CAPN14: variants seen among roughly 807,000 people sequenced by gnomAD.
CAPN14 encodes calpain 14, also known as calpain-14.
In CAPN14, 94 loss-of-function variants were observed where a neutral mutation model predicts 101.3. The ratio of observed to expected loss-of-function variants is 0.93; its 90% confidence interval spans 0.79 to 1.10. The LOEUF is 1.10. Among genes scored for constraint, CAPN14 ranks in the 50% least tolerant of loss-of-function variants. The pLI is 0.00. For missense variants in CAPN14, 837 were observed against 828.4 expected (o/e 1.01, Z -0.13); for synonymous variants, 338 against 317.9 (o/e 1.06, Z -0.67).
At chr2:31,199,307 C>T (rs1423313128) in intron 7 of CAPN14, among the ~76,000 whole-genome samples, 163 bp downstream of exon 7, 1 of 152,082 alleles carries the variant, frequency 6.6e-6, no homozygotes, top group African/African-American at 2.4e-5. Context: ...AAAGCCTGGA[C>T]CCACCACTTC....
upstream of CAPN14, among the ~76,000 whole-genome samples, chr2:31,222,273 C>T (rs989263219): frequency 6.6e-6 from 1 of 152,130 alleles, no homozygotes; most frequent in Non-Finnish European, 1.5e-5. Context: ...TGGGCTTTTT[C>T]GAAAGAGGAA....
chr2:31,178,924 A>G (rs763856439), intron 17 of CAPN14, among the ~76,000 whole-genome samples: 45 of 151,982 alleles, frequency 3.0e-4, no homozygotes, highest in Non-Finnish European at 5.3e-4. Context: ...TACCAGTAGT[A>G]TTAACAGATG....
chr2:31,196,872 C>CCTTGACT (rs1208506264), intron 8 of CAPN14, among the ~76,000 whole-genome samples: 1 of 152,132 alleles, frequency 6.6e-6, no homozygotes. Flanking sequence ...GCACCAAAGA[C>CCTTGACT]CTTGGTTGAG....
intron 2 of CAPN14, among the ~76,000 whole-genome samples, chr2:31,204,706 C>A (rs192295530): frequency 1.3e-5 from 2 of 152,272 alleles, no homozygotes; most frequent in Admixed American, 6.5e-5. Context: ...ACACCCCTTC[C>A]CCATGCCTTG....
intron 2 of CAPN14, among the ~76,000 whole-genome samples, chr2:31,223,387 G>A (rs1342554566): frequency 6.6e-6 from 1 of 152,030 alleles, no homozygotes; most frequent in Non-Finnish European, 1.5e-5. Flanking sequence ...CACAGTTTAG[G>A]GTGACCAGTT....
At chr2:31,174,846 G>C (rs1680215404) in intron 21 of CAPN14, 139 bp from the exon 22 acceptor site, 1 of 765,046 alleles carries the variant, frequency 1.3e-6, no homozygotes. Context: ...CATCCATTAG[G>C]AAGTATAAAT....
chr2:31,201,748 G>C, intron 5 of CAPN14, 114 bp downstream of exon 5: 1 of 1,343,122 alleles, frequency 7.4e-7, no homozygotes, highest in Non-Finnish European at 1.0e-6. Context: ...TGTTGGCTAA[G>C]ACATGCCTCA....
At chr2:31,200,127 C>G (rs1436923474) in intron 6 of CAPN14, among the ~76,000 whole-genome samples, 1 of 152,134 alleles carries the variant, frequency 6.6e-6, no homozygotes, top group African/African-American at 2.4e-5. Flanking sequence ...CCTCAGCCTC[C>G]CAAATAGCTG....
chr2:31,176,984 G>A (rs1169181337), intron 20 of CAPN14, 42 bp downstream of exon 20: 26 of 1,376,050 alleles, frequency 1.9e-5, no homozygotes, highest in Non-Finnish European at 2.6e-5. Flanking sequence ...TCATGGGGCA[G>A]CAGAGGAAGA....
intron 6 of CAPN14, 28 bp from the exon 7 acceptor site, chr2:31,199,560 G>A (rs1357324926): frequency 1.3e-6 from 2 of 1,540,422 alleles, no homozygotes; most frequent in Non-Finnish European, 1.8e-6. Flanking sequence ...GTCCTGATCA[G>A]TCTTCTGTTA....
intron 11 of CAPN14, 93 bp downstream of exon 11, chr2:31,191,842 G>A (rs78580293): frequency 0.011 from 13,983 of 1,227,920 alleles, 130 homozygotes; most frequent in South Asian, 0.029. Flanking sequence ...AACAGAGACA[G>A]ATGGTGAAGA....
Position 31,203,498 on chromosome 2 carries a change from C to T in CAPN14, c.226-359G>A, listed in dbSNP as rs376773115. 4.1e-4 allele frequency among the ~76,000 whole-genome samples: 63 copies of T among 152,206 alleles called. 1 individual carries two copies. Among genetic ancestry groups the T allele is most frequent in the African/African-American group, 1.4e-3 (60 of 41,520 alleles). The stretch of plus-strand genomic sequence containing the variant: ...TCTTTCGCTTTTTTCTCCCCTATTC[C>T]TCCTTCTTATTCCTGACCCCTAATA... On this transcript the variant is annotated intron_variant, in intron 2 of 21. Coordinates refer to ENST00000403897, the MANE Select transcript of CAPN14 (RefSeq NM_001145122.2).
intron 1 of CAPN14, among the ~76,000 whole-genome samples, chr2:31,210,530 T>G (rs1682344758): frequency 6.6e-6 from 1 of 152,034 alleles, no homozygotes; most frequent in African/African-American, 2.4e-5. Flanking sequence ...TTTGTTCTAA[T>G]CACTTTCAAG....
intron 15 of CAPN14, 59 bp from the exon 16 acceptor site, chr2:31,186,544 C>A: frequency 1.5e-6 from 2 of 1,291,594 alleles, no homozygotes; most frequent in Non-Finnish European, 2.2e-6. Flanking sequence ...CATTAGATGG[C>A]AGAGGGGTCA....
At chr2:31,188,553 C>A (rs540812867) in intron 13 of CAPN14, among the ~76,000 whole-genome samples, 199 bp from the exon 14 acceptor site, 21 of 152,250 alleles carry the variant, frequency 1.4e-4, no homozygotes, top group Admixed American at 1.2e-3. Flanking sequence ...GCTTGTAATT[C>A]CCTGCACCCT....
intron 2 of CAPN14, among the ~76,000 whole-genome samples, 155 bp downstream of exon 2, chr2:31,205,068 C>T (rs1681998995): frequency 6.6e-6 from 1 of 152,164 alleles, no homozygotes; most frequent in South Asian, 2.1e-4. Context: ...TGGGGAAAAC[C>T]TCCTACACAT....
intron 5 of CAPN14, among the ~76,000 whole-genome samples, chr2:31,201,199 GTGTGTGTGTGCA>G (rs1681758741): frequency 8.0e-6 from 1 of 124,356 alleles, no homozygotes; most frequent in Non-Finnish European, 2.0e-5. Flanking sequence ...GTGTGTGCAT[GTGTGTGTGTGCA>G]TGTGTGTGTC....
Position 31,178,507 on chromosome 2 carries a change from T to C in CAPN14, c.1779+4A>G, listed in dbSNP as rs1279851765. ...AAAGAGGTGTGGTTAAGACTTGTTC[T>C]TACCTGAGAGAGCTTCAGCTGCTTC... is the stretch of plus-strand genomic sequence containing the variant. On this transcript the variant is annotated splice_donor_region_variant and intron_variant, in intron 18 of 21. Transcript: ENST00000403897. 6.5e-7 allele frequency: 1 copy of C among 1,550,172 alleles called. No homozygotes were observed. The highest frequency in any genetic ancestry group is 2.4e-5 in the East Asian group (1 of 40,888).
intron 1 of CAPN14, among the ~76,000 whole-genome samples, chr2:31,215,332 G>A (rs182944868): frequency 1.4e-4 from 21 of 151,678 alleles, no homozygotes; most frequent in Admixed American, 1.3e-4. Flanking sequence ...CTAGATGAGC[G>A]GTCAGACTGA....
Sources: gnomAD v4.1 joint callset for allele counts (sites outside exome capture counted in the v4.1 genomes callset) on GRCh38, gnomAD v4.1.1 for gene constraint, MANE v1.5 for transcripts, NCBI Gene and HGNC (gene_info 2026-07-23, HGNC 2026-07-21) for gene names.